The following TAF8 variants were observed in gnomAD, a reference collection of about 807,000 sequenced individuals.
TAF8 encodes transcription initiation factor TFIID subunit 8.
TAF8 carries 47 observed loss-of-function variants against 36.5 expected under a neutral mutation model. The ratio of observed to expected loss-of-function variants is 1.29; its 90% CI spans 1.02 to 1.64. TAF8 has a LOEUF of 1.64. Ranked by LOEUF, TAF8 falls within the 40% of genes most tolerant of loss-of-function variation. TAF8 has a pLI of 0.00. For synonymous variants in TAF8, 175 were observed against 159.5 expected, an observed-to-expected ratio of 1.10 and a Z score of -0.73; for missense variants, 420 against 407.6, an observed-to-expected ratio of 1.03 and a Z score of -0.26.
chr6:42,059,337 T>C (rs1765113309), intron 5 of TAF8, among the ~76,000 whole-genome samples: 1 of 151,864 alleles, frequency 6.6e-6, no homozygotes, highest in Non-Finnish European at 1.5e-5. Context: ...GAGCCGTGAT[T>C]GCACCATTGC....
chr6:42,050,824 C>T (rs1764747000), intron 1 of TAF8: 1 of 961,066 alleles, frequency 1.0e-6, no homozygotes, highest in African/African-American at 1.7e-5. Context: ...CCGGAACACC[C>T]CCGATTGGTC....
chr6:42,063,905 G>C lies in TAF8; in HGVS notation c.490-2407G>C, dbSNP rs375038629. 2.6e-5 allele frequency: 4 copies of C among 152,252 alleles called. No homozygotes were observed. The East Asian group carries it at 7.7e-4, about 29-fold the overall frequency. 9.4% of individuals were successfully genotyped at this position (152,252 alleles called of 1,614,324 possible). ...AGAGTAGCTAGGACCACAAGCACACGCTACCATGCCAGCCTAGAAATCTTG... is the reference window on the plus strand; with the variant it reads ...AGAGTAGCTAGGACCACAAGCACACCCTACCATGCCAGCCTAGAAATCTTG... On this transcript the variant is annotated intron_variant, in intron 5 of 8. Transcript: ENST00000372977.
At chr6:42,060,314 T>G (rs1194159236) in intron 5 of TAF8, among the ~76,000 whole-genome samples, 1 of 152,208 alleles carries the variant, frequency 6.6e-6, no homozygotes, top group Non-Finnish European at 1.5e-5. Flanking sequence ...CCATTTTTAT[T>G]AAAAACAAAT....
At position 42,081,172 on chromosome 6, in the gene TAF8, TGTG is replaced by T; in HGVS notation, c.*3628_*3630del. ...TCCTTTATTTTCTTTCCTCCTGGAG[TGTG>T]TGTGTGTGTGTGTGTGCGTGTGTGT... On this transcript the variant is annotated 3_prime_UTR_variant, in exon 9 of 9. Transcript: ENST00000372977. The T allele has an allele frequency of 2.1e-5, 1 of 48,312 alleles. No homozygotes were observed. Among genetic ancestry groups the T allele is most frequent in the South Asian group, 8.4e-4 (1 of 1,192 alleles). 3.0% of individuals were successfully genotyped at this position (48,312 alleles called of 1,614,324 possible).
intron 5 of TAF8, chr6:42,057,861 G>A (rs1218667630): frequency 3.3e-6 from 1 of 302,626 alleles, no homozygotes; most frequent in Admixed American, 4.7e-5. Context: ...GCCAGCTAAA[G>A]TATAATTAAC....
intron 4 of TAF8, 128 bp downstream of exon 4, chr6:42,056,142 G>T: frequency 1.5e-6 from 1 of 672,636 alleles, no homozygotes; most frequent in Non-Finnish European, 2.7e-6. Flanking sequence ...AATGTTTGGG[G>T]CTACCTACAA....
intron 8 of TAF8, 104 bp downstream of exon 8, chr6:42,077,343 C>T: frequency 6.6e-7 from 1 of 1,506,604 alleles, no homozygotes. Context: ...TTGGGGAAAG[C>T]CACTCTGGTG....
rs745755586 is a variant in TAF8, at chr6:42,078,607, G to A, written c.*1062G>A. The A allele has an allele frequency of 1.4e-4, 135 of 985,320 alleles. No homozygotes were observed. Among genetic ancestry groups the A allele is most frequent in the Non-Finnish European group, 1.5e-4 (126 of 829,952 alleles). The allele number at this position is 985,320 out of a possible 1,614,324, so 61.0% of individuals were successfully genotyped here. On this transcript the variant is annotated 3_prime_UTR_variant, in exon 9 of 9. Coordinates refer to ENST00000372977, the MANE Select transcript of TAF8 (RefSeq NM_138572.3). ...TCACTGTGAAGAAGAACGACATGTC[G>A]GGGCTGCACCTGTCCTCCCGTCGGC...
chr6:42,082,334 G>C lies in TAF8; in HGVS notation c.*4789G>C, dbSNP rs1337420935. Reference sequence around the variant, plus strand: ...TGTTATAAATTGAATCATAAAGTATGTGACTTTTTTCTTTTTGAGACAGAG... The same window carrying C: ...TGTTATAAATTGAATCATAAAGTATCTGACTTTTTTCTTTTTGAGACAGAG... On this transcript the variant is annotated 3_prime_UTR_variant, in exon 9 of 9. Transcript: ENST00000372977. The C allele has an allele frequency of 6.6e-6, 1 of 152,172 alleles. No individual in the cohort carries two copies. The highest frequency in any genetic ancestry group is 6.5e-5 in the Admixed American group (1 of 15,272). 9.4% of individuals were successfully genotyped at this position (152,172 alleles called of 1,614,324 possible).
At position 42,079,761 on chromosome 6, in the gene TAF8, C is replaced by G; in HGVS notation, c.*2216C>G. On this transcript the variant is annotated 3_prime_UTR_variant, in exon 9 of 9. Transcript: ENST00000372977. ...TAGACACGGGATTTTGCTATGTTGC[C>G]CAGGCTGGTCTTGAACTCCTGGCCT... is the stretch of plus-strand genomic sequence containing the variant. 3.9e-6 allele frequency: 3 copies of G among 763,258 alleles called. No individual in the cohort carries two copies. The highest frequency in any genetic ancestry group is 4.8e-6 in the Non-Finnish European group (3 of 627,582). 47.3% of individuals were successfully genotyped at this position (763,258 alleles called of 1,614,324 possible). A position where few individuals can be genotyped will look rare whatever the true frequency, so the allele number is the denominator to read the frequency against.
At position 42,051,424 on chromosome 6, in the gene TAF8, A is replaced by G; in HGVS notation, c.113A>G (p.Gln38Arg). The change falls in exon 2 of 9, where the codon CAG (glutamine) becomes CGG (arginine). Residue 38 changes from glutamine (Q) to arginine (R), a missense_variant. Physicochemically the swap from Gln to Arg is conservative, Grantham distance 43 (BLOSUM62 1). Coordinates refer to ENST00000372977, the MANE Select transcript of TAF8 (RefSeq NM_138572.3). ...NYHLARRRTL[Q>R]VVVSSLLTEA... ...CATCTGGCCCGGAGGAGAACCCTGCAGGTGGTTGTGAGCTCCTTGCTGACA... is the reference window on the plus strand; with the variant it reads ...CATCTGGCCCGGAGGAGAACCCTGCGGGTGGTTGTGAGCTCCTTGCTGACA... 4 of 1,614,126 alleles carry G rather than the reference A, an allele frequency of 2.5e-6. No individual in the cohort carries two copies. Among genetic ancestry groups the G allele is most frequent in the Non-Finnish European group, 3.4e-6 (4 of 1,179,996 alleles).
chr6:42,074,021 T>G (rs1765671930), intron 7 of TAF8, among the ~76,000 whole-genome samples: 2 of 152,146 alleles, frequency 1.3e-5, no homozygotes, highest in South Asian at 4.1e-4. Context: ...CCAGGTGTGG[T>G]GGTGCATGCC....
Position 42,050,589 on chromosome 6 carries a change from A to G in TAF8, c.45+3A>G. 3 of 1,550,562 alleles carry G rather than the reference A, an allele frequency of 1.9e-6. No homozygotes were observed. Among genetic ancestry groups the G allele is most frequent in the Non-Finnish European group, 2.6e-6 (3 of 1,148,312 alleles). ...CTGGGGCCGGTGGCTCCGGAACGGTAAGGGCAGGAAGCGCGGGCTCGGAGC... is the reference window on the plus strand; with the variant it reads ...CTGGGGCCGGTGGCTCCGGAACGGTGAGGGCAGGAAGCGCGGGCTCGGAGC... On this transcript the variant is annotated splice_donor_region_variant and intron_variant, in intron 1 of 8. Coordinates refer to ENST00000372977, the MANE Select transcript of TAF8 (RefSeq NM_138572.3).
chr6:42,074,482 C>T (rs969263039), intron 7 of TAF8, among the ~76,000 whole-genome samples: 1 of 152,180 alleles, frequency 6.6e-6, no homozygotes, highest in Non-Finnish European at 1.5e-5. Flanking sequence ...GAGCTCCTGA[C>T]GGACCATTCT....
chr6:42,055,468 T>C lies in TAF8; in HGVS notation c.203-63T>C, dbSNP rs1207945355. On this transcript the variant is annotated intron_variant, in intron 2 of 8. Coordinates refer to ENST00000372977, the MANE Select transcript of TAF8 (RefSeq NM_138572.3). ...GGAGTGGAATTGTTGGCTCATCTGG[T>C]AATTCTATGTTTAACTTTCTGAGGA... 4 of 1,152,098 alleles carry C rather than the reference T, an allele frequency of 3.5e-6. No individual in the cohort carries two copies. In the Admixed American group the frequency reaches 5.1e-5, roughly 15 times the overall value. The allele number at this position is 1,152,098 out of a possible 1,614,324, so 71.4% of individuals were successfully genotyped here.
intron 2 of TAF8, among the ~76,000 whole-genome samples, chr6:42,054,677 C>G: frequency 6.6e-6 from 1 of 151,552 alleles, no homozygotes; most frequent in East Asian, 1.9e-4. Flanking sequence ...GGTGCCATCT[C>G]GGCTCACTGC....
At chr6:42,065,549 A>AT (rs1311178146) in intron 5 of TAF8, among the ~76,000 whole-genome samples, 1 of 152,130 alleles carries the variant, frequency 6.6e-6, no homozygotes, top group Non-Finnish European at 1.5e-5. Context: ...ATGTATCCAT[A>AT]TTGTGAGGAT....
rs535393094 is a variant in TAF8, at chr6:42,066,060, C to T, written c.490-252C>T. Among the ~76,000 whole-genome samples the T allele has an allele frequency of 3.1e-4, 47 of 152,256 alleles. 1 individual carries two copies. Among genetic ancestry groups the T allele is most frequent in the Middle Eastern group, 3.4e-3 (1 of 294 alleles). ...GGATTACTGGTGCCCACCACCACAC[C>T]CAGCTAATTTTTGTATTTTTGGTAG... On this transcript the variant is annotated intron_variant, in intron 5 of 8. Transcript: ENST00000372977.
chr6:42,070,258 G>A (rs781647447), intron 7 of TAF8, among the ~76,000 whole-genome samples: 1 of 152,136 alleles, frequency 6.6e-6, no homozygotes, highest in Non-Finnish European at 1.5e-5. Flanking sequence ...GGAGGCTGAG[G>A]TGGGCAGATC....
Sources: gnomAD v4.1 joint callset for allele counts (sites outside exome capture counted in the v4.1 genomes callset) on GRCh38, gnomAD v4.1.1 for gene constraint, MANE v1.5 for transcripts, NCBI Gene and HGNC (gene_info 2026-07-23, HGNC 2026-07-21) for gene names.